The following SLC13A2 variants were observed in gnomAD, a reference collection of about 807,000 sequenced individuals.
SLC13A2 encodes the protein Na(+)-coupled citrate transporter.
SLC13A2 carries 40 observed loss-of-function variants against 58.5 expected under a neutral mutation model. The ratio of observed to expected loss-of-function variants is 0.68; its 90% CI spans 0.53 to 0.89. The LOEUF is 0.89. Among genes scored for constraint, SLC13A2 ranks in the 40% least tolerant of loss-of-function variants. SLC13A2 has a pLI of 0.00. For missense variants in SLC13A2, 694 were observed against 772.6 expected, an observed-to-expected ratio of 0.90 and a Z score of 1.21; for synonymous variants, 341 against 331.6, an observed-to-expected ratio of 1.03 and a Z score of -0.31.
chr17:28,489,218 C>T lies in SLC13A2; in HGVS notation c.107C>T (p.Ala36Val), dbSNP rs1368447542. 3.1e-6 allele frequency: 5 copies of T among 1,613,348 alleles called. No homozygotes were observed. The highest frequency in any genetic ancestry group is 4.2e-6 in the Non-Finnish European group (5 of 1,179,962). The stretch of plus-strand genomic sequence containing the variant: ...CCGCTTCTCTCCCACCTGCAGGAGG[C>T]CTACTGCGCGTATGCCATCATCCTC... ...PLPILVPSKE[A>V]YCAYAIILMA... The change falls in exon 2 of 12, where the codon GCC (alanine) becomes GTC (valine). Residue 36 changes from alanine to valine, a missense_variant. Transcript: ENST00000314669.
Position 28,496,458 on chromosome 17 carries a change from C to A in SLC13A2, c.1479C>A (p.Ala493=). The change falls in exon 11 of 12, where the codon GCC becomes GCA. Residue 493 remains alanine, a synonymous_variant. Coordinates refer to ENST00000314669, the MANE Select transcript of SLC13A2 (RefSeq NM_003984.4). This position sits in a 1 kb window ranked among gnomAD's most constrained non-coding sequence, Gnocchi z 4.2. ...FLPILASMAQ[A]ICLHPLYVML... ...ACTGCCTCCCACTCCAGGCCCAGGCCATCTGCCTCCACCCTCTCTACGTCA... is the reference window on the plus strand; with the variant it reads ...ACTGCCTCCCACTCCAGGCCCAGGCAATCTGCCTCCACCCTCTCTACGTCA... 6.2e-7 allele frequency: 1 copy of A among 1,603,202 alleles called. No homozygotes were observed. Among genetic ancestry groups the A allele is most frequent in the Non-Finnish European group, 8.5e-7 (1 of 1,172,694 alleles).
At chr17:28,481,204 A>G (rs2068778169) in intron 1 of SLC13A2, among the ~76,000 whole-genome samples, 1 of 152,232 alleles carries the variant, frequency 6.6e-6, no homozygotes, top group Non-Finnish European at 1.5e-5. Flanking sequence ...TAGTGCATAC[A>G]GGCAGGGCTG....
intron 1 of SLC13A2, among the ~76,000 whole-genome samples, chr17:28,488,316 C>A (rs1427645602): frequency 1.3e-5 from 2 of 152,276 alleles, no homozygotes; most frequent in Middle Eastern, 6.8e-3. Flanking sequence ...CATTGTCCAA[C>A]AAACCCCAGC....
At chr17:28,475,606 T>C (rs1187187195) in intron 1 of SLC13A2, among the ~76,000 whole-genome samples, 1 of 152,126 alleles carries the variant, frequency 6.6e-6, no homozygotes, top group Non-Finnish European at 1.5e-5. Flanking sequence ...AAGCGCACTT[T>C]CTCTTTTGTC....
chr17:28,473,965 TGAGGGCTAG>T (rs2068629340), intron 1 of SLC13A2, 151 bp downstream of exon 1: 1 of 668,072 alleles, frequency 1.5e-6, no homozygotes, highest in Non-Finnish European at 2.6e-6. Context: ...TCCTGAGGAC[TGAGGGCTAG>T]GAGGTCAAAG....
intron 1 of SLC13A2, among the ~76,000 whole-genome samples, chr17:28,476,295 G>T (rs1246900306): frequency 6.6e-6 from 1 of 152,114 alleles, no homozygotes; most frequent in Non-Finnish European, 1.5e-5. Flanking sequence ...TTGGCCAGGC[G>T]CAGTGGCTCA....
At chr17:28,492,786 T>G (rs2069053908) in intron 6 of SLC13A2, among the ~76,000 whole-genome samples, 1 of 152,260 alleles carries the variant, frequency 6.6e-6, no homozygotes, top group South Asian at 2.1e-4. Context: ...ATGTCTGCCA[T>G]GAATACGGGA....
At chr17:28,475,273 G>C (rs2068651433) in intron 1 of SLC13A2, among the ~76,000 whole-genome samples, 1 of 152,154 alleles carries the variant, frequency 6.6e-6, no homozygotes, top group Non-Finnish European at 1.5e-5. Context: ...GATGTGTTAG[G>C]AGCCCCTGTC....
rs1207960782 is a variant in SLC13A2, at chr17:28,497,638, T to C, written c.*369T>C. 4.8e-6 allele frequency: 1 copy of C among 207,902 alleles called. No individual in the cohort carries two copies. The highest frequency in any genetic ancestry group is 9.6e-6 in the Non-Finnish European group (1 of 104,250). 12.9% of individuals were successfully genotyped at this position (207,902 alleles called of 1,614,324 possible). A position where few individuals can be genotyped will look rare whatever the true frequency, so the allele number is the denominator to read the frequency against. On this transcript the variant is annotated 3_prime_UTR_variant, in exon 12 of 12. Coordinates refer to ENST00000314669, the MANE Select transcript of SLC13A2 (RefSeq NM_003984.4). ...CCCTCTCTGGTGCCCCAGGTCTTGG[T>C]ATCCCCAGCTTAGTGACCAGACTTA...
At chr17:28,479,971 A>G (rs1450601204) in intron 1 of SLC13A2, among the ~76,000 whole-genome samples, 2 of 152,120 alleles carry the variant, frequency 1.3e-5, no homozygotes, top group Admixed American at 6.5e-5. Context: ...CCTGGCCAAG[A>G]TGGCGAAACC....
chr17:28,491,377 GC>G, intron 4 of SLC13A2, 59 bp from the exon 5 acceptor site: 1 of 1,584,154 alleles, frequency 6.3e-7, no homozygotes, highest in Non-Finnish European at 8.6e-7. Context: ...TGCAGCCCTG[GC>G]CCCGTTCCCC....
chr17:28,487,456 C>A, intron 1 of SLC13A2: 1 of 774,378 alleles, frequency 1.3e-6, no homozygotes, highest in Non-Finnish European at 1.6e-6. Flanking sequence ...CAAATAAATG[C>A]AACTTGTAAA....
In SLC13A2 at chr17:28,494,543, G is replaced by C. The variant is rs1265156991; in HGVS notation, c.1308+31G>C. The C allele has an allele frequency of 9.9e-6, 16 of 1,612,846 alleles. No individual in the cohort carries two copies. In the Admixed American group the frequency reaches 2.7e-4, roughly 27 times the overall value. ...AGGCCCCCAGCCCCCTCCTCAGCCT[G>C]TGTGAGGGTGTCTCTGTGGCAGGGA... On this transcript the variant is annotated intron_variant, in intron 9 of 11. Coordinates refer to ENST00000314669, the MANE Select transcript of SLC13A2 (RefSeq NM_003984.4). This position sits in a 1 kb window ranked among gnomAD's most constrained non-coding sequence, Gnocchi z 4.0.
Position 28,494,567 on chromosome 17 carries a change from G to A in SLC13A2, c.1308+55G>A. 2 of 1,608,760 alleles carry A rather than the reference G, an allele frequency of 1.2e-6. No homozygotes were observed. Among genetic ancestry groups the A allele is most frequent in the East Asian group, 2.2e-5 (1 of 44,774 alleles). ...TGTGTGAGGGTGTCTCTGTGGCAGG[G>A]AGAGAGGGGGCCCTGCTTCTGTCCC... On this transcript the variant is annotated intron_variant, in intron 9 of 11. Transcript: ENST00000314669. This position sits in a 1 kb window ranked among gnomAD's most constrained non-coding sequence, Gnocchi z 4.0.
At chr17:28,493,819 A>T in intron 7 of SLC13A2, 30 bp downstream of exon 7, 1 of 1,609,738 alleles carries the variant, frequency 6.2e-7, no homozygotes, top group South Asian at 1.1e-5. Context: ...GGAGGAGGAC[A>T]CATCTGGGGC....
intron 2 of SLC13A2, among the ~76,000 whole-genome samples, chr17:28,489,610 C>A (rs782367261): frequency 6.6e-5 from 10 of 152,116 alleles, no homozygotes; most frequent in African/African-American, 2.4e-4. Flanking sequence ...AGAAAAGGGG[C>A]CTTGAGGGCC....
At position 28,490,748 on chromosome 17, in the gene SLC13A2, T is replaced by C; in HGVS notation, c.416T>C (p.Ile139Thr). Residue 139 changes from isoleucine (I) to threonine (T), a missense_variant, in exon 4 of 12, where the codon ATC becomes ACC. Physicochemically the swap from Ile to Thr is moderately conservative, Grantham distance 89. Coordinates refer to ENST00000314669, the MANE Select transcript of SLC13A2 (RefSeq NM_003984.4). ...GTCACGGCCTTCCTGTCCATGTGGA[T>C]CAGCAACACGGCCACCTCAGCCATG... ...MLVTAFLSMW[I>T]SNTATSAMMV... The C allele has an allele frequency of 6.2e-7, 1 of 1,614,114 alleles. No individual in the cohort carries two copies. The highest frequency in any genetic ancestry group is 1.7e-5 in the Admixed American group (1 of 60,022).
At position 28,490,922 on chromosome 17, in the gene SLC13A2, C is replaced by A; in HGVS notation, c.574+16C>A. The A allele has an allele frequency of 6.2e-7, 1 of 1,600,698 alleles. No individual in the cohort carries two copies. The highest frequency in any genetic ancestry group is 8.5e-7 in the Non-Finnish European group (1 of 1,173,052). On this transcript the variant is annotated intron_variant, in intron 4 of 11. Transcript: ENST00000314669. Reference sequence around the variant, plus strand: ...ACCAAGCTTGGTGAGAAAAATGAGGCTAGACTCTGCCCCAACCCCTTGGTT... The same window carrying A: ...ACCAAGCTTGGTGAGAAAAATGAGGATAGACTCTGCCCCAACCCCTTGGTT...
chr17:28,493,489 C>A (rs782579992), intron 6 of SLC13A2, 82 bp from the exon 7 acceptor site: 115 of 1,211,004 alleles, frequency 9.5e-5, no homozygotes, highest in Non-Finnish European at 1.2e-4. Flanking sequence ...TGGGCCTCAG[C>A]CTTTAGATGG....
Sources: allele counts gnomAD v4.1 joint callset (sites outside exome capture counted in the v4.1 genomes callset), GRCh38; gene constraint gnomAD v4.1.1; non-coding constraint Gnocchi (gnomAD v3.1); transcripts MANE v1.5; gene names NCBI Gene and HGNC (gene_info 2026-07-23, HGNC 2026-07-21).